Variants in HIF1A observed in about 807,000 individuals in gnomAD.
HIF1A encodes hypoxia inducible factor 1 subunit alpha.
HIF1A carries 24 observed loss-of-function variants against 92.7 expected under a neutral mutation model. The observed-to-expected ratio is 0.26, with a 90% CI of 0.19 to 0.36. HIF1A has a LOEUF of 0.36. Among genes scored for constraint, HIF1A ranks in the 10% least tolerant of loss-of-function variants. The pLI is 1.00. For missense variants in HIF1A, 799 were observed against 998.5 expected (o/e 0.80, Z 2.69); for synonymous variants, 319 against 338.7 (o/e 0.94, Z 0.64).
rs180761660 is a variant in HIF1A at position 61,719,728 on chromosome 14, T to C, written c.36-654T>C. Among the ~76,000 whole-genome samples the C allele has an allele frequency of 2.2e-3, 336 of 152,322 alleles. 11 individuals carry two copies. The highest frequency in any genetic ancestry group is 7.1e-4 in the Non-Finnish European group (48 of 68,026). ...CTGGATATTGTGTGTGCCACAGCTTTTTTTCTTCCATATTCCTGCATTTAT... is the reference window on the plus strand; with the variant it reads ...CTGGATATTGTGTGTGCCACAGCTTCTTTTCTTCCATATTCCTGCATTTAT... On this transcript the variant is annotated intron_variant, in intron 1 of 14. Coordinates refer to ENST00000337138, the MANE Select transcript of HIF1A (RefSeq NM_001530.4).
chr14:61,708,349 T>C (rs1371619071), intron 1 of HIF1A, among the ~76,000 whole-genome samples: 1 of 152,214 alleles, frequency 6.6e-6, no homozygotes, highest in Non-Finnish European at 1.5e-5. Context: ...TGCCATGGCT[T>C]TTGGTGTTTT....
At chr14:61,703,417 A>G (rs1196290473) in intron 1 of HIF1A, among the ~76,000 whole-genome samples, 1 of 152,192 alleles carries the variant, frequency 6.6e-6, no homozygotes, top group African/African-American at 2.4e-5. Context: ...GGCTAACACA[A>G]TCTAATTTTG....
At chr14:61,729,227 C>A (rs12887165) in intron 6 of HIF1A, among the ~76,000 whole-genome samples, 111,880 of 151,922 alleles carry the variant, frequency 0.74, 46,560 homozygotes, top group Non-Finnish European at 0.92. Context: ...TGTGGGAGGC[C>A]GAGGTGGGTG....
intron 1 of HIF1A, among the ~76,000 whole-genome samples, chr14:61,713,604 C>T (rs1031351130): frequency 1.3e-5 from 2 of 152,136 alleles, no homozygotes; most frequent in African/African-American, 4.8e-5. Flanking sequence ...TTTCTAGTAC[C>T]TAGCACAGTG....
Position 61,740,710 on chromosome 14 carries a change from T to G in HIF1A, c.1660-45T>G, listed in dbSNP as rs766735623. On this transcript the variant is annotated intron_variant, in intron 11 of 14. Coordinates refer to ENST00000337138, the MANE Select transcript of HIF1A (RefSeq NM_001530.4). ...TTGAGTTTCACTTGTTTTTTATTTA[T>G]AAGGTGTGGCCATTGTAAAAACTCA... The G allele has an allele frequency of 1.9e-6, 3 of 1,551,786 alleles. No homozygotes were observed. The African/African-American group carries it at 4.1e-5, about 21-fold the overall frequency.
chr14:61,716,560 A>C (rs1268577559), intron 1 of HIF1A, among the ~76,000 whole-genome samples: 1 of 152,222 alleles, frequency 6.6e-6, no homozygotes, highest in Admixed American at 6.5e-5. Flanking sequence ...CAATACGAAA[A>C]GATGACTTTA....
At chr14:61,737,165 T>C in intron 9 of HIF1A, 56 bp downstream of exon 9, 1 of 1,207,528 alleles carries the variant, frequency 8.3e-7, no homozygotes. Flanking sequence ...CAAGCCCCAT[T>C]TCAACTAAAC....
rs1671868739 is a variant in HIF1A at position 61,740,366 on chromosome 14, A to C, written c.1537-139A>C. On this transcript the variant is annotated intron_variant, in intron 10 of 14. Transcript: ENST00000337138. The stretch of plus-strand genomic sequence containing the variant: ...AGGCGTGAGCCACTGAGCCCGGCCT[A>C]GTTAAATAAAATTTGATAAACACGA... 5 of 633,958 alleles carry C rather than the reference A, an allele frequency of 7.9e-6. No individual in the cohort carries two copies. The Admixed American group carries it at 9.0e-5, about 11-fold the overall frequency. 39.3% of individuals were successfully genotyped at this position (633,958 alleles called of 1,614,324 possible). A position where few individuals can be genotyped will look rare whatever the true frequency, so the allele number is the denominator to read the frequency against.
Position 61,740,563 on chromosome 14 carries a change from A to G in HIF1A, c.1595A>G (p.Lys532Arg). Residue 532 changes from lysine (K) to arginine (R), a missense_variant, in exon 11 of 15, where the codon AAG becomes AGG. By Grantham distance (26) the Lys-to-Arg change is conservative. Coordinates refer to ENST00000337138, the MANE Select transcript of HIF1A (RefSeq NM_001530.4). The stretch of plus-strand genomic sequence containing the variant: ...GATAGTGATATGGTCAATGAATTCA[A>G]GTTGGAATTGGTAGAAAAACTTTTT... ...YVDSDMVNEF[K>R]LELVEKLFAE... The G allele has an allele frequency of 6.2e-7, 1 of 1,606,696 alleles. No individual in the cohort carries two copies. Among genetic ancestry groups the G allele is most frequent in the Non-Finnish European group, 8.5e-7 (1 of 1,174,006 alleles).
chr14:61,738,442 T>A, intron 10 of HIF1A, 69 bp downstream of exon 10: 7 of 1,357,088 alleles, frequency 5.2e-6, no homozygotes, highest in Non-Finnish European at 7.1e-6. Context: ...TATTTATAAG[T>A]TTGATTCAAA....
At chr14:61,732,936 T>A (rs933374074) in intron 7 of HIF1A, among the ~76,000 whole-genome samples, 2 of 152,182 alleles carry the variant, frequency 1.3e-5, no homozygotes, top group African/African-American at 4.8e-5. Context: ...TGCTTATAAG[T>A]GCATAGTTAG....
At chr14:61,735,991 T>TCC (rs1321997639) in intron 8 of HIF1A, among the ~76,000 whole-genome samples, 2 of 24,382 alleles carry the variant, frequency 8.2e-5, no homozygotes, top group African/African-American at 1.4e-4. Flanking sequence ...AATTCTTTTT[T>TCC]TCTTTTTTTT....
At position 61,732,399 on chromosome 14, in the gene HIF1A, T is replaced by C. The variant is rs962079370; in HGVS notation, c.774-19T>C. 5 of 1,529,050 alleles carry C rather than the reference T, an allele frequency of 3.3e-6. No individual in the cohort carries two copies. The highest frequency in any genetic ancestry group is 3.6e-6 in the Non-Finnish European group (4 of 1,108,022). The allele number at this position is 1,529,050 out of a possible 1,614,324, so 94.7% of individuals were successfully genotyped here. On this transcript the variant is annotated intron_variant, in intron 6 of 14. Transcript: ENST00000337138. Reference sequence around the variant, plus strand: ...GTGTCTCCCTTTTTTTTCTTAAATCTTGTATTTTTTACTAACAGAATTACC... The same window carrying C: ...GTGTCTCCCTTTTTTTTCTTAAATCCTGTATTTTTTACTAACAGAATTACC...
rs768221898 is a variant in HIF1A, at chr14:61,745,657, C to G, written c.2203-34C>G. The G allele has an allele frequency of 1.9e-6, 3 of 1,586,674 alleles. No homozygotes were observed. In the East Asian group the frequency reaches 6.7e-5, roughly 36 times the overall value. On this transcript the variant is annotated intron_variant, in intron 13 of 14. Transcript: ENST00000337138. ...TTGGTTGTTTAAAAAAAAAATTCAA[C>G]AAACTAAACTTGAAATAACTTTACT...
At chr14:61,746,070 A>G (rs2044781355) in intron 14 of HIF1A, among the ~76,000 whole-genome samples, 1 of 151,998 alleles carries the variant, frequency 6.6e-6, no homozygotes. Context: ...CTAAAAATAC[A>G]AAAATTAGCT....
intron 1 of HIF1A, chr14:61,698,035 C>T (rs1594853185): frequency 7.2e-6 from 5 of 697,114 alleles, no homozygotes; most frequent in South Asian, 3.2e-5. Flanking sequence ...TTTAATAGCA[C>T]GTGCATTTTG....
chr14:61,734,381 A>G (rs533318906), intron 8 of HIF1A, 96 bp downstream of exon 8: 1 of 831,056 alleles, frequency 1.2e-6, no homozygotes, highest in African/African-American at 1.8e-5. Context: ...AATAAATATT[A>G]ACTAAATTTT....
intron 1 of HIF1A, among the ~76,000 whole-genome samples, chr14:61,705,010 G>A (rs560927136): frequency 4.5e-4 from 69 of 152,160 alleles, no homozygotes; most frequent in African/African-American, 1.6e-3. Context: ...AGGCGCATTG[G>A]CCAGTCTGCT....
rs1262542768 is a variant in HIF1A at position 61,741,897 on chromosome 14, T to G, written c.2093+709T>G. 2.6e-5 allele frequency among the ~76,000 whole-genome samples: 4 copies of G among 152,256 alleles called. No homozygotes were observed. The East Asian group carries it at 7.7e-4, about 29-fold the overall frequency. On this transcript the variant is annotated intron_variant, in intron 12 of 14. Transcript: ENST00000337138. ...TTATCTGAAGAAAAGCCCTTCCAATTTAAGGGTTATTTCCAATTGCACATT... is the reference window on the plus strand; with the variant it reads ...TTATCTGAAGAAAAGCCCTTCCAATGTAAGGGTTATTTCCAATTGCACATT...
Sources: allele counts gnomAD v4.1 joint callset (sites outside exome capture counted in the v4.1 genomes callset), GRCh38; gene constraint gnomAD v4.1.1; transcripts MANE v1.5; gene names NCBI Gene and HGNC (gene_info 2026-07-23, HGNC 2026-07-21).